MYO5B: variants seen among roughly 807,000 people sequenced by gnomAD.
MYO5B encodes the protein myosin VB, also known as unconventional myosin-Vb.
A neutral mutation model predicts 229.3 loss-of-function variants in MYO5B; 143 were observed. The observed-to-expected ratio is 0.62, with a 90% CI of 0.54 to 0.72. MYO5B has a LOEUF of 0.72. Ranked by LOEUF, MYO5B falls within the 30% of genes least tolerant of loss-of-function variation. The pLI is 0.00. For missense variants in MYO5B, 2,321 were observed against 2,331.0 expected (o/e 1.00, Z 0.09); for synonymous variants, 918 against 885.2 (o/e 1.04, Z -0.66).
At chr18:50,177,713 C>T (rs193025249) in intron 1 of MYO5B, among the ~76,000 whole-genome samples, 342 of 152,342 alleles carry the variant, frequency 2.2e-3, no homozygotes, top group Non-Finnish European at 3.9e-3. Context: ...TCTTCATCAC[C>T]ACCCACTGAA....
chr18:50,079,861 G>A (rs1031551612), intron 1 of MYO5B, among the ~76,000 whole-genome samples: 2 of 152,156 alleles, frequency 1.3e-5, no homozygotes, highest in Admixed American at 6.5e-5. Context: ...TTCTGCCAGC[G>A]TAGTCTATCC....
chr18:50,152,943 A>G (rs1325272582), intron 1 of MYO5B, among the ~76,000 whole-genome samples: 1 of 151,856 alleles, frequency 6.6e-6, no homozygotes, highest in Non-Finnish European at 1.5e-5. Flanking sequence ...TCTATAATAG[A>G]TTCCACCCTT....
At chr18:49,994,298 G>A (rs964092620) in intron 5 of MYO5B, among the ~76,000 whole-genome samples, 1 of 152,188 alleles carries the variant, frequency 6.6e-6, no homozygotes, top group African/African-American at 2.4e-5. Flanking sequence ...TACATGGTAA[G>A]CACTCAAAAA....
chr18:49,992,209 C>T (rs1389641060), intron 6 of MYO5B, 79 bp downstream of exon 6: 3 of 1,578,606 alleles, frequency 1.9e-6, no homozygotes, highest in Non-Finnish European at 2.6e-6. Flanking sequence ...CTCTTTGGGT[C>T]CAGGGAGTGG....
chr18:50,160,861 T>C (rs2032754975), intron 1 of MYO5B, among the ~76,000 whole-genome samples: 2 of 152,300 alleles, frequency 1.3e-5, no homozygotes, highest in South Asian at 2.1e-4. Flanking sequence ...GGAGACTGCA[T>C]TCCTGTCCAA....
chr18:50,005,666 C>T (rs2026093679), intron 4 of MYO5B, among the ~76,000 whole-genome samples: 1 of 152,192 alleles, frequency 6.6e-6, no homozygotes, highest in Non-Finnish European at 1.5e-5. Context: ...ATCTGCCCAC[C>T]CTGGCCTCCC....
chr18:50,002,107 C>T (rs1420845134), intron 4 of MYO5B, among the ~76,000 whole-genome samples: 2 of 151,934 alleles, frequency 1.3e-5, no homozygotes, highest in African/African-American at 4.8e-5. Context: ...CCCTAACATT[C>T]CCATCTTGTG....
chr18:49,849,293 A>G (rs1195614397), intron 32 of MYO5B, among the ~76,000 whole-genome samples: 2 of 152,178 alleles, frequency 1.3e-5, no homozygotes, highest in Non-Finnish European at 2.9e-5. Flanking sequence ...CCACCAGGTC[A>G]CCTCTGGGTT....
At chr18:49,915,041 C>T (rs1315188228) in intron 17 of MYO5B, among the ~76,000 whole-genome samples, 1 of 152,116 alleles carries the variant, frequency 6.6e-6, no homozygotes, top group Non-Finnish European at 1.5e-5. Flanking sequence ...TTTGCAAACG[C>T]TTTTCCTGGT....
chr18:50,129,196 G>A (rs1189365726), intron 1 of MYO5B, among the ~76,000 whole-genome samples: 1 of 152,144 alleles, frequency 6.6e-6, no homozygotes, highest in Admixed American at 6.5e-5. Flanking sequence ...GAGAGGGCAG[G>A]GACTTCCCAG....
rs1173161758 is a variant in MYO5B at position 49,953,140 on chromosome 18, T to C, written c.1752+120A>G. On this transcript the variant is annotated intron_variant, in intron 14 of 39. Coordinates refer to ENST00000285039, the MANE Select transcript of MYO5B (RefSeq NM_001080467.3). ...CATACCGAAATGACCAACAAACCCG[T>C]TGGCCTCCTCCCTGCCCAGCATCTC... The C allele has an allele frequency of 3.5e-5, 30 of 868,792 alleles. No individual in the cohort carries two copies. In the Admixed American group the frequency reaches 4.7e-4, roughly 14 times the overall value. 53.8% of individuals were successfully genotyped at this position (868,792 alleles called of 1,614,324 possible).
Position 49,992,366 on chromosome 18 carries a change from A to G in MYO5B, c.678T>C (p.Ile226=). 1 of 1,614,156 alleles carries G rather than the reference A, an allele frequency of 6.2e-7. No homozygotes were observed. The highest frequency in any genetic ancestry group is 8.5e-7 in the Non-Finnish European group (1 of 1,180,018). Residue 226 remains isoleucine, a synonymous_variant, in exon 6 of 40, where the codon ATT becomes ATC. Coordinates refer to ENST00000285039, the MANE Select transcript of MYO5B (RefSeq NM_001080467.3). ...NSSRFGKYIQ[I]GFDKRYHIIG... is the part of the protein sequence containing the mutation. The stretch of plus-strand genomic sequence containing the variant: ...TGATGTGGTACCTTTTGTCAAAGCC[A>G]ATCTGGATGTACTTGCCAAAACGGC...
At chr18:49,965,697 G>C (rs989662911) in intron 10 of MYO5B, among the ~76,000 whole-genome samples, 7 of 152,134 alleles carry the variant, frequency 4.6e-5, no homozygotes, top group Admixed American at 4.6e-4. Flanking sequence ...CCAGAGAGTC[G>C]GTAGGCAGAG....
intron 29 of MYO5B, among the ~76,000 whole-genome samples, chr18:49,861,183 A>G (rs2024324860): frequency 6.6e-6 from 1 of 152,218 alleles, no homozygotes; most frequent in Non-Finnish European, 1.5e-5. Context: ...CCTATTGTAC[A>G]CCAGGCTTGC....
chr18:50,065,410 G>A (rs895237870), intron 1 of MYO5B, among the ~76,000 whole-genome samples: 4 of 152,066 alleles, frequency 2.6e-5, no homozygotes, highest in East Asian at 1.9e-4. Flanking sequence ...CATGGCTGGG[G>A]AGGCTTCAGG....
chr18:49,929,077 T>C (rs932128791), intron 17 of MYO5B, among the ~76,000 whole-genome samples: 3 of 152,122 alleles, frequency 2.0e-5, no homozygotes, highest in African/African-American at 7.2e-5. Flanking sequence ...AACTTATTCA[T>C]GTAACCAAAC....
At chr18:50,003,144 A>T (rs1274769049) in intron 4 of MYO5B, among the ~76,000 whole-genome samples, 1 of 152,182 alleles carries the variant, frequency 6.6e-6, no homozygotes, top group Non-Finnish European at 1.5e-5. Flanking sequence ...ATCCTTCACT[A>T]TGAGCTGCTC....
At chr18:50,173,082 G>T (rs930270668) in intron 1 of MYO5B, among the ~76,000 whole-genome samples, 5 of 152,080 alleles carry the variant, frequency 3.3e-5, no homozygotes, top group Non-Finnish European at 4.4e-5. Context: ...TGGCCAACAC[G>T]GCGAACCCCG....
intron 1 of MYO5B, chr18:50,097,217 C>T (rs191605797): frequency 1.3e-5 from 6 of 456,770 alleles, no homozygotes; most frequent in Admixed American, 9.4e-5. Context: ...ATCACTCCCA[C>T]CTCCGCATCC....
Sources: gnomAD v4.1 joint callset for allele counts (sites outside exome capture counted in the v4.1 genomes callset) on GRCh38, gnomAD v4.1.1 for gene constraint, MANE v1.5 for transcripts, NCBI Gene and HGNC (gene_info 2026-07-23, HGNC 2026-07-21) for gene names.